Variants in CACHD1 observed in about 807,000 individuals in gnomAD.
CACHD1 encodes VWFA and cache domain-containing protein 1.
A neutral mutation model predicts 138.7 loss-of-function variants in CACHD1; 71 were observed. The ratio of observed to expected loss-of-function variants is 0.51; its 90% CI spans 0.42 to 0.62. CACHD1 has a LOEUF of 0.62. Ranked by LOEUF, CACHD1 falls within the 20% of genes least tolerant of loss-of-function variation. The pLI, the probability that CACHD1 is intolerant of heterozygous loss-of-function variation, is 0.00. For synonymous variants in CACHD1, 578 were observed against 591.5 expected (o/e 0.98, Z 0.33); for missense variants, 1,389 against 1,625.3 (o/e 0.85, Z 2.50).
intron 1 of CACHD1, among the ~76,000 whole-genome samples, chr1:64,509,008 G>GAA (rs1161150008): frequency 6.6e-6 from 1 of 152,020 alleles, no homozygotes; most frequent in Non-Finnish European, 1.5e-5. Flanking sequence ...AAGCACAAAG[G>GAA]AAAAAGGTCT....
At chr1:64,488,494 G>T (rs184867631) in intron 1 of CACHD1, among the ~76,000 whole-genome samples, 248 of 152,218 alleles carry the variant, frequency 1.6e-3, no homozygotes, top group Non-Finnish European at 3.1e-3. Context: ...TGAAGAGGTG[G>T]GAGGTCTACT....
chr1:64,529,116 T>C (rs1286660647), intron 1 of CACHD1, among the ~76,000 whole-genome samples: 1 of 152,154 alleles, frequency 6.6e-6, no homozygotes, highest in Non-Finnish European at 1.5e-5. Flanking sequence ...AATTACATGT[T>C]TCAAAAAATG....
rs1374878004 is a variant in CACHD1, at chr1:64,664,692, G to A, written c.2276+13G>A. Reference sequence around the variant, plus strand: ...CTAGGAGACAATGGTGAGTTTTAGGGGCTTCCGTTATCAAAGGTTCTCCCC... The same window carrying A: ...CTAGGAGACAATGGTGAGTTTTAGGAGCTTCCGTTATCAAAGGTTCTCCCC... On this transcript the variant is annotated intron_variant, in intron 15 of 26. Coordinates refer to ENST00000651257, the MANE Select transcript of CACHD1 (RefSeq NM_020925.4). The A allele has an allele frequency of 4.3e-6, 7 of 1,610,758 alleles. No individual in the cohort carries two copies. The highest frequency in any genetic ancestry group is 5.9e-6 in the Non-Finnish European group (7 of 1,177,862).
Position 64,691,584 on chromosome 1 carries a change from A to C in CACHD1, c.*23A>C, listed in dbSNP as rs1421277938. On this transcript the variant is annotated 3_prime_UTR_variant, in exon 27 of 27. Coordinates refer to ENST00000651257, the MANE Select transcript of CACHD1 (RefSeq NM_020925.4). Reference sequence around the variant, plus strand: ...TAACAATCTCCTCACCTCCACGCCAAGATGAGATCTGGGAGCTACAGAATG... The same window carrying C: ...TAACAATCTCCTCACCTCCACGCCACGATGAGATCTGGGAGCTACAGAATG... The C allele has an allele frequency of 6.3e-7, 1 of 1,593,488 alleles. No individual in the cohort carries two copies. Among genetic ancestry groups the C allele is most frequent in the African/African-American group, 1.3e-5 (1 of 74,460 alleles).
chr1:64,582,607 G>T (rs1187352657), intron 3 of CACHD1, among the ~76,000 whole-genome samples: 4 of 152,152 alleles, frequency 2.6e-5, no homozygotes, highest in Non-Finnish European at 5.9e-5. Context: ...GAAATGCTTT[G>T]TCATGAGTCA....
At chr1:64,665,158 G>A (rs1282597475) in intron 15 of CACHD1, among the ~76,000 whole-genome samples, 1 of 151,906 alleles carries the variant, frequency 6.6e-6, no homozygotes, top group African/African-American at 2.4e-5. Flanking sequence ...CTGGACATAA[G>A]AACAGAAAAT....
chr1:64,587,632 G>GA (rs1329956875), intron 3 of CACHD1, among the ~76,000 whole-genome samples: 7 of 152,042 alleles, frequency 4.6e-5, no homozygotes, highest in African/African-American at 7.2e-5. Flanking sequence ...CTTCAATATG[G>GA]AAAAAAATAG....
Position 64,602,797 on chromosome 1 carries a change from T to C in CACHD1, c.411-9T>C, listed in dbSNP as rs1041333180. ...AATAAGTATTGCTAATTCTCTCCTA[T>C]TGTTTCAGATTCGATGGGAACTTTA... On this transcript the variant is annotated splice_polypyrimidine_tract_variant and intron_variant, in intron 3 of 26. Coordinates refer to ENST00000651257, the MANE Select transcript of CACHD1 (RefSeq NM_020925.4). The C allele has an allele frequency of 1.9e-6, 3 of 1,584,626 alleles. No homozygotes were observed. The highest frequency in any genetic ancestry group is 2.7e-5 in the African/African-American group (2 of 74,276).
chr1:64,626,464 A>AAT (rs1648104758), intron 4 of CACHD1, among the ~76,000 whole-genome samples: 1 of 152,254 alleles, frequency 6.6e-6, no homozygotes, highest in South Asian at 2.1e-4. Flanking sequence ...AAAGGAGTTG[A>AAT]ATATATTGTC....
chr1:64,602,218 C>T (rs1189886800), intron 3 of CACHD1, among the ~76,000 whole-genome samples: 1 of 152,122 alleles, frequency 6.6e-6, no homozygotes, highest in Non-Finnish European at 1.5e-5. Flanking sequence ...GAGGAACTTC[C>T]ATACATTATT....
At chr1:64,614,604 T>C (rs1647645270) in intron 4 of CACHD1, among the ~76,000 whole-genome samples, 1 of 151,832 alleles carries the variant, frequency 6.6e-6, no homozygotes, top group Non-Finnish European at 1.5e-5. Flanking sequence ...TAGGCCTAGA[T>C]ACCCGGCTGT....
chr1:64,664,628 T>C lies in CACHD1; in HGVS notation c.2225T>C (p.Ile742Thr). ...GCAACACCCAATGGCGTCCTCAGAA[T>C]TTATCCTGGTTCCCTCATGGACAAA... ...YIATPNGVLR[I>T]YPGSLMDKAF... is the part of the protein sequence containing the mutation. The change falls in exon 15 of 27, where the codon ATT (isoleucine) becomes ACT (threonine). Residue 742 changes from isoleucine to threonine, a missense_variant. Transcript: ENST00000651257. 1 of 1,614,212 alleles carries C rather than the reference T, an allele frequency of 6.2e-7. No individual in the cohort carries two copies. Among genetic ancestry groups the C allele is most frequent in the African/African-American group, 1.3e-5 (1 of 75,034 alleles).
At position 64,575,167 on chromosome 1, in the gene CACHD1, A is replaced by G. The variant is rs545118545; in HGVS notation, c.262-6989A>G. ...TTGTATATTCACTGTGTTTCATTTG[A>G]ACATCACAATAAGTCCTTTAAGGGA... On this transcript the variant is annotated intron_variant, in intron 2 of 26. Coordinates refer to ENST00000651257, the MANE Select transcript of CACHD1 (RefSeq NM_020925.4). Among the ~76,000 whole-genome samples, 6 of 152,336 alleles carry G rather than the reference A, an allele frequency of 3.9e-5. No homozygotes were observed. In the East Asian group the frequency reaches 1.2e-3, roughly 29 times the overall value.
At chr1:64,690,644 A>G (rs947773828) in intron 26 of CACHD1, among the ~76,000 whole-genome samples, 1 of 152,230 alleles carries the variant, frequency 6.6e-6, no homozygotes, top group Non-Finnish European at 1.5e-5. Context: ...TTCATTAGGC[A>G]CTAGAACTTT....
At chr1:64,588,103 T>C (rs931108577) in intron 3 of CACHD1, among the ~76,000 whole-genome samples, 4 of 152,112 alleles carry the variant, frequency 2.6e-5, no homozygotes, top group African/African-American at 9.7e-5. Flanking sequence ...CCAACCTATT[T>C]TCCTGATTTA....
chr1:64,681,267 T>C lies in CACHD1; in HGVS notation c.3416T>C (p.Val1139Ala). The change falls in exon 25 of 27, where the codon GTG becomes GCG. Residue 1139 changes from valine (V) to alanine (A), a missense_variant. Physicochemically the swap from Val to Ala is moderately conservative, Grantham distance 64. Around this residue, in one of 5 missense-constraint regions of CACHD1, gnomAD observed 250 missense variants for 292.9 expected, o/e 0.85. Transcript: ENST00000651257. ...TTTTAATGATGGGTAGAAATGTCAG[T>C]GCGTATGTCCAACCTGGAGAATGAC... is the stretch of plus-strand genomic sequence containing the variant. ...MSPLAAQEMS[V>A]RMSNLENDRD... 6.2e-7 allele frequency: 1 copy of C among 1,613,472 alleles called. No homozygotes were observed.
chr1:64,558,754 C>T (rs565225504), intron 2 of CACHD1, among the ~76,000 whole-genome samples: 235 of 152,232 alleles, frequency 1.5e-3, no homozygotes, highest in African/African-American at 5.4e-3. Context: ...ATACATCTGA[C>T]AAAGGTGTAA....
At chr1:64,664,899 G>A (rs1046415295) in intron 15 of CACHD1, among the ~76,000 whole-genome samples, 1 of 152,114 alleles carries the variant, frequency 6.6e-6, no homozygotes. Flanking sequence ...TTTTGAGCCT[G>A]AAATTCTTTA....
intron 16 of CACHD1, among the ~76,000 whole-genome samples, chr1:64,667,699 T>C (rs1649680855): frequency 6.6e-6 from 1 of 152,180 alleles, no homozygotes; most frequent in African/African-American, 2.4e-5. Context: ...CCTTGGTCTT[T>C]GATTACAATG....
Sources: gnomAD v4.1 joint callset for allele counts (sites outside exome capture counted in the v4.1 genomes callset) on GRCh38, gnomAD v4.1.1 for gene constraint, gnomAD v4.1.1 regional missense constraint, MANE v1.5 for transcripts, NCBI Gene and HGNC (gene_info 2026-07-23, HGNC 2026-07-21) for gene names.